Variants in MAP1B observed in about 807,000 individuals in gnomAD.
MAP1B encodes microtubule associated protein 1B.
A neutral mutation model predicts 176.1 loss-of-function variants in MAP1B; 12 were observed. The ratio of observed to expected loss-of-function variants is 0.07; its 90% CI spans 0.04 to 0.11. The LOEUF is 0.11. MAP1B is among the 10% of genes least tolerant of loss of function. MAP1B has a pLI of 1.00. For missense variants in MAP1B, 2,523 were observed against 2,990.5 expected (o/e 0.84, Z 3.65); for synonymous variants, 1,044 against 1,135.0 (o/e 0.92, Z 1.61).
At chr5:72,142,917 T>C (rs112827471) in intron 2 of MAP1B, among the ~76,000 whole-genome samples, 55 of 152,282 alleles carry the variant, frequency 3.6e-4, no homozygotes, top group African/African-American at 1.2e-3. Flanking sequence ...TGATTTGAAG[T>C]CAAGATATAA....
In MAP1B at chr5:72,203,787, G is replaced by A. The variant is rs1580033404; in HGVS notation, c.7237G>A (p.Gly2413Ser). Reference sequence around the variant, plus strand: ...TTTGTTGGAAGGAAAGGCTCAGTGGGGCAGCAACATGCAGGTGAGAACTCC... The same window carrying A: ...TTTGTTGGAAGGAAAGGCTCAGTGGAGCAGCAACATGCAGGTGAGAACTCC... ...DALLEGKAQW[G>S]SNMQVTLIPT... The change falls in exon 6 of 7, where the codon GGC becomes AGC. Residue 2413 changes from glycine (G) to serine (S), a missense_variant. By Grantham distance (56) the Gly-to-Ser change is moderately conservative (BLOSUM62 0). Around this residue, in one of 4 missense-constraint regions of MAP1B, gnomAD observed 287 missense variants for 401.5 expected, o/e 0.71. Transcript: ENST00000296755. 3 of 1,612,488 alleles carry A rather than the reference G, an allele frequency of 1.9e-6. No homozygotes were observed. The highest frequency in any genetic ancestry group is 4.5e-5 in the East Asian group (2 of 44,872).
chr5:72,149,153 A>G (rs1746097521), intron 2 of MAP1B, among the ~76,000 whole-genome samples: 2 of 152,212 alleles, frequency 1.3e-5, no homozygotes, highest in African/African-American at 4.8e-5. Flanking sequence ...AAAATTGAAT[A>G]TAGTACTCTC....
intron 1 of MAP1B, among the ~76,000 whole-genome samples, chr5:72,112,203 A>G (rs1390814782): frequency 3.3e-5 from 5 of 152,250 alleles, no homozygotes; most frequent in Non-Finnish European, 4.4e-5. Context: ...ACTAAAGCCC[A>G]TAAAGGAAAA....
intron 2 of MAP1B, among the ~76,000 whole-genome samples, chr5:72,163,834 C>A (rs540294829): frequency 1.3e-5 from 2 of 151,762 alleles, no homozygotes; most frequent in Non-Finnish European, 2.9e-5. Context: ...GGAATAGATC[C>A]ATATAAATTC....
rs1747287571 is a variant in MAP1B at position 72,199,816 on chromosome 5, C to T, written c.6461C>T (p.Ala2154Val). Reference sequence around the variant, plus strand: ...CCTCCCACCTCAGTCAGCGAGTCAGCCCCATCCCAGACCGACTCTGATGTT... The same window carrying T: ...CCTCCCACCTCAGTCAGCGAGTCAGTCCCATCCCAGACCGACTCTGATGTT... ...ETPPTSVSES[A>V]PSQTDSDVPP... The change falls in exon 5 of 7, where the codon GCC becomes GTC. Residue 2154 changes from alanine (A) to valine (V), a missense_variant. Physicochemically the swap from Ala to Val is moderately conservative, Grantham distance 64. Transcript: ENST00000296755. The surrounding 1 kb of genome is among the most constrained non-coding windows in gnomAD (Gnocchi z 4.2). 1 of 1,614,128 alleles carries T rather than the reference C, an allele frequency of 6.2e-7. No homozygotes were observed. The highest frequency in any genetic ancestry group is 1.1e-5 in the South Asian group (1 of 91,058).
rs1189748171 is a variant in MAP1B, at chr5:72,197,198, G to T, written c.3843G>T (p.Leu1281=). The T allele has an allele frequency of 3.7e-6, 6 of 1,614,094 alleles. No individual in the cohort carries two copies. The highest frequency in any genetic ancestry group is 1.3e-5 in the African/African-American group (1 of 74,926). The change falls in exon 5 of 7, where the codon CTG becomes CTT. Residue 1281 remains leucine, a synonymous_variant. Transcript: ENST00000296755. ...PLGERSVNFS[L]TPNEIKVSAE... is the part of the protein sequence containing the mutation. ...GTGAACGTAGTGTGAACTTCTCTCT[G>T]ACGCCCAATGAGATTAAAGTCTCTG...
intron 2 of MAP1B, among the ~76,000 whole-genome samples, chr5:72,144,187 T>C (rs935805395): frequency 3.9e-5 from 6 of 152,194 alleles, no homozygotes; most frequent in Non-Finnish European, 1.5e-5. Flanking sequence ...TATGTTGTTG[T>C]TCTGAATCTG....
Position 72,199,296 on chromosome 5 carries a change from A to C in MAP1B, c.5941A>C (p.Arg1981=). 1 of 1,614,192 alleles carries C rather than the reference A, an allele frequency of 6.2e-7. No homozygotes were observed. Among genetic ancestry groups the C allele is most frequent in the Non-Finnish European group, 8.5e-7 (1 of 1,180,034 alleles). The change falls in exon 5 of 7, where the codon AGA becomes CGA. Residue 1981 remains arginine (R), a synonymous_variant. Coordinates refer to ENST00000296755, the MANE Select transcript of MAP1B (RefSeq NM_005909.5). This position sits in a 1 kb window ranked among gnomAD's most constrained non-coding sequence, Gnocchi z 4.2. ...CAGCTATGAAAAGACTGAGAGGTCT[A>C]GAAGGCTTCTGGATGACATCAGCAA... The part of the protein sequence containing the change: ...GYSYEKTERS[R]RLLDDISNGY...
chr5:72,160,238 A>C (rs1282103692), intron 2 of MAP1B, among the ~76,000 whole-genome samples: 1 of 150,004 alleles, frequency 6.7e-6, no homozygotes, highest in Non-Finnish European at 1.5e-5. Context: ...AAAAAATCCA[A>C]ACCAAAAAAA....
Position 72,194,156 on chromosome 5 carries a change from A to G in MAP1B, c.801A>G (p.Gly267=), listed in dbSNP as rs1290556418. The change falls in exon 5 of 7, where the codon GGA becomes GGG. Residue 267 remains glycine (G), a synonymous_variant. Coordinates refer to ENST00000296755, the MANE Select transcript of MAP1B (RefSeq NM_005909.5). This position sits in a 1 kb window ranked among gnomAD's most constrained non-coding sequence, Gnocchi z 7.2. ...AGCCCTGCTGTTATATTTTTCCAGG[A>G]GGGAGGGGCGATTCTGCCTTGTTTG... is the stretch of plus-strand genomic sequence containing the variant. The part of the protein sequence containing the change: ...LSKPCCYIFP[G]GRGDSALFAV... 6.2e-7 allele frequency: 1 copy of G among 1,614,138 alleles called. No individual in the cohort carries two copies. Among genetic ancestry groups the G allele is most frequent in the Non-Finnish European group, 8.5e-7 (1 of 1,180,022 alleles).
chr5:72,124,449 A>T (rs1745587536), intron 2 of MAP1B, among the ~76,000 whole-genome samples: 1 of 152,238 alleles, frequency 6.6e-6, no homozygotes, highest in Admixed American at 6.5e-5. Context: ...AAGAGCGTCT[A>T]CATGTGATTT....
intron 1 of MAP1B, among the ~76,000 whole-genome samples, chr5:72,115,342 GC>G (rs1398297740): frequency 6.6e-6 from 1 of 152,148 alleles, no homozygotes; most frequent in Non-Finnish European, 1.5e-5. Flanking sequence ...TAGTCTGTTG[GC>G]CTCTTAGCTT....
rs967270112 is a variant in MAP1B at position 72,205,553 on chromosome 5, T to TAG, written c.*327_*328dup. On this transcript the variant is annotated 3_prime_UTR_variant, in exon 7 of 7. Coordinates refer to ENST00000296755, the MANE Select transcript of MAP1B (RefSeq NM_005909.5). ...TTCTGCTAGGTAGAGGCATTTGTCT[T>TAG]AGAGAGAGAGAGAGCGCGGGAGAGA... 70 of 254,166 alleles carry TAG rather than the reference T, an allele frequency of 2.8e-4. No individual in the cohort carries two copies. Among genetic ancestry groups the TAG allele is most frequent in the Non-Finnish European group, 3.2e-4 (42 of 131,002 alleles). 15.7% of individuals were successfully genotyped at this position (254,166 alleles called of 1,614,324 possible).
At chr5:72,168,052 C>T (rs1018474829) in intron 2 of MAP1B, among the ~76,000 whole-genome samples, 1 of 152,258 alleles carries the variant, frequency 6.6e-6, no homozygotes, top group Non-Finnish European at 1.5e-5. Context: ...CCCTGTCCAG[C>T]TCCTGTCGCT....
rs1350407773 is a variant in MAP1B at position 72,199,528 on chromosome 5, C to T, written c.6173C>T (p.Ser2058Phe). ...ITRTPQASTY[S>F]YETSDLCYTA... The stretch of plus-strand genomic sequence containing the variant: ...AGAACCCCTCAGGCATCCACATATT[C>T]CTACGAGACTTCAGACCTATGCTAC... Residue 2058 changes from serine to phenylalanine, a missense_variant, in exon 5 of 7, where the codon TCC becomes TTC. By Grantham distance (155) the Ser-to-Phe change is radical. Coordinates refer to ENST00000296755, the MANE Select transcript of MAP1B (RefSeq NM_005909.5). This position sits in a 1 kb window ranked among gnomAD's most constrained non-coding sequence, Gnocchi z 4.2. 2 of 1,614,204 alleles carry T rather than the reference C, an allele frequency of 1.2e-6. No homozygotes were observed. The highest frequency in any genetic ancestry group is 2.7e-5 in the African/African-American group (2 of 75,042).
intron 2 of MAP1B, among the ~76,000 whole-genome samples, chr5:72,122,814 A>AC (rs1307389202): frequency 6.6e-6 from 1 of 151,834 alleles, no homozygotes; most frequent in Non-Finnish European, 1.5e-5. Flanking sequence ...GATGTCAATA[A>AC]CCCCTCCATT....
At position 72,186,661 on chromosome 5, in the gene MAP1B, G is replaced by A; in HGVS notation, c.417G>A (p.Leu139=). 3 of 1,614,210 alleles carry A rather than the reference G, an allele frequency of 1.9e-6. No homozygotes were observed. The highest frequency in any genetic ancestry group is 2.5e-6 in the Non-Finnish European group (3 of 1,180,048). ...CTGCCCGACACAAGCTGCTCGTGCT[G>A]ACCGGGCAGTGCTTTGAAAATACCG... The part of the protein sequence containing the change: ...TDAARHKLLV[L]TGQCFENTGE... Residue 139 remains leucine (L), a synonymous_variant, in exon 4 of 7, where the codon CTG becomes CTA. Transcript: ENST00000296755. This position sits in a 1 kb window ranked among gnomAD's most constrained non-coding sequence, Gnocchi z 4.3.
At position 72,198,768 on chromosome 5, in the gene MAP1B, T is replaced by C. The variant is rs750698341; in HGVS notation, c.5413T>C (p.Ser1805Pro). ...TTCACCTACTTTTTCAGATTCTACC[T>C]CTGCAGTCAAAGAGAAAACAGCAAC... ...LYSPTFSDST[S>P]AVKEKTATCH... Residue 1805 changes from serine to proline, a missense_variant, in exon 5 of 7, where the codon TCT becomes CCT. This residue lies in a region of MAP1B where 1,925 missense variants were observed against 2,126.0 expected (regional missense o/e 0.91). Coordinates refer to ENST00000296755, the MANE Select transcript of MAP1B (RefSeq NM_005909.5). 2 of 1,614,168 alleles carry C rather than the reference T, an allele frequency of 1.2e-6. No homozygotes were observed. The highest frequency in any genetic ancestry group is 2.2e-5 in the South Asian group (2 of 91,082).
chr5:72,198,310 A>T lies in MAP1B; in HGVS notation c.4955A>T (p.Glu1652Val). ...QSSMSIEFGQ[E>V]SPEQSLAMDF... ...TCAATGTCTATTGAATTTGGCCAAG[A>T]ATCTCCTGAGCAATCCCTTGCTATG... Residue 1652 changes from glutamate to valine, a missense_variant, in exon 5 of 7, where the codon GAA becomes GTA. Physicochemically the swap from Glu to Val is moderately radical, Grantham distance 121. Coordinates refer to ENST00000296755, the MANE Select transcript of MAP1B (RefSeq NM_005909.5). The T allele has an allele frequency of 6.2e-7, 1 of 1,614,164 alleles. No homozygotes were observed. The highest frequency in any genetic ancestry group is 8.5e-7 in the Non-Finnish European group (1 of 1,180,024).
Sources: allele counts gnomAD v4.1 joint callset (sites outside exome capture counted in the v4.1 genomes callset), GRCh38; gene constraint gnomAD v4.1.1; regional missense constraint gnomAD v4.1.1; non-coding constraint Gnocchi (gnomAD v3.1); transcripts MANE v1.5; gene names NCBI Gene and HGNC (gene_info 2026-07-23, HGNC 2026-07-21).